Variants in EIF2A observed in about 807,000 individuals in gnomAD.
EIF2A encodes the protein eukaryotic translation initiation factor 2A, also known as 65 kDa eukaryotic translation initiation factor 2A.
Under a neutral mutation model 75.2 loss-of-function variants are expected in EIF2A, and 62 were observed. The ratio of observed to expected loss-of-function variants is 0.82; its 90% CI spans 0.67 to 1.02. The LOEUF (loss-of-function observed/expected upper bound fraction) is 1.02, where lower values mean the gene tolerates loss of function less well. Ranked by LOEUF, EIF2A falls within the 50% of genes least tolerant of loss-of-function variation. The pLI is 0.00. For missense variants in EIF2A, 611 were observed against 677.7 expected (o/e 0.90, Z 1.09); for synonymous variants, 207 against 239.0 (o/e 0.87, Z 1.23).
At position 150,562,537 on chromosome 3, in the gene EIF2A, A is replaced by G. The variant is rs1417571949; in HGVS notation, c.174-5A>G. ...CATTGCTGAAATAATTTCTTTTGAA[A>G]CCAGAGTAAATATTATCAGTGTCAC... On this transcript the variant is annotated splice_region_variant and splice_polypyrimidine_tract_variant and intron_variant, in intron 3 of 13. Transcript: ENST00000460851. 1.2e-6 allele frequency: 2 copies of G among 1,605,266 alleles called. No individual in the cohort carries two copies. The highest frequency in any genetic ancestry group is 1.7e-6 in the Non-Finnish European group (2 of 1,174,038).
chr3:150,578,798 G>A (rs1725018392), intron 11 of EIF2A, among the ~76,000 whole-genome samples: 1 of 152,180 alleles, frequency 6.6e-6, no homozygotes, highest in Non-Finnish European at 1.5e-5. Flanking sequence ...AATGGCCCTT[G>A]ACAGAATCTC....
intron 10 of EIF2A, 112 bp downstream of exon 10, chr3:150,572,641 G>T: frequency 3.8e-6 from 4 of 1,062,368 alleles, no homozygotes; most frequent in East Asian, 4.9e-5. Flanking sequence ...GATCACTTGA[G>T]GTCAGGAGTT....
intron 2 of EIF2A, 51 bp from the exon 3 acceptor site, chr3:150,558,337 G>A (rs1445433646): frequency 7.2e-7 from 1 of 1,397,254 alleles, no homozygotes; most frequent in Non-Finnish European, 9.4e-7. Context: ...AGATTTTTTT[G>A]AAAAGTATTA....
rs1724573767 is a variant in EIF2A at position 150,572,260 on chromosome 3, A to AT, written c.1118dup (p.Leu373PhefsTer12). On this transcript the variant is annotated frameshift_variant, in exon 10 of 14. Coordinates refer to ENST00000460851, the MANE Select transcript of EIF2A (RefSeq NM_032025.5). LOFTEE classifies it high-confidence loss of function. Reference sequence around the variant, plus strand: ...TGCTTGGTGCCCGGATGGTGAGCATATTTTAACAGCTACATGTGCTCCCAG... The same window carrying AT: ...TGCTTGGTGCCCGGATGGTGAGCATATTTTTAACAGCTACATGTGCTCCCAG... The AT allele has an allele frequency of 3.7e-6, 6 of 1,613,830 alleles. No homozygotes were observed. Among genetic ancestry groups the AT allele is most frequent in the East Asian group, 2.2e-5 (1 of 44,896 alleles).
chr3:150,564,492 A>G (rs1724063059), intron 6 of EIF2A, 111 bp downstream of exon 6: 3 of 727,844 alleles, frequency 4.1e-6, no homozygotes, highest in East Asian at 3.0e-5. Flanking sequence ...CTATTAATCA[A>G]TAATTACTCT....
chr3:150,565,177 C>G (rs1461071395), intron 6 of EIF2A: 1 of 456,458 alleles, frequency 2.2e-6, no homozygotes, highest in Non-Finnish European at 4.4e-6. Context: ...CATCTGTCCC[C>G]TATAAATTGC....
At chr3:150,581,832 G>A in intron 12 of EIF2A, 86 bp downstream of exon 12, 1 of 1,468,284 alleles carries the variant, frequency 6.8e-7, no homozygotes, top group Admixed American at 2.3e-5. Flanking sequence ...CCTAAAGACA[G>A]GTATCTAAGA....
intron 13 of EIF2A, 130 bp from the exon 14 acceptor site, chr3:150,583,716 A>G: frequency 4.9e-6 from 4 of 824,010 alleles, no homozygotes; most frequent in Non-Finnish European, 7.6e-6. Flanking sequence ...TTTGTTTCTA[A>G]CCTGTATTTT....
intron 11 of EIF2A, among the ~76,000 whole-genome samples, chr3:150,576,429 C>T (rs991524499): frequency 1.3e-5 from 2 of 150,364 alleles, no homozygotes; most frequent in Non-Finnish European, 3.0e-5. Context: ...GACCATGACT[C>T]GAAAAAAAAA....
At chr3:150,563,660 A>G in intron 5 of EIF2A, 46 bp downstream of exon 5, 2 of 1,284,674 alleles carry the variant, frequency 1.6e-6, no homozygotes, top group Non-Finnish European at 2.1e-6. Flanking sequence ...AGTATTTTTA[A>G]TGTCATCACT....
At chr3:150,566,706 G>A (rs1724202682) in intron 6 of EIF2A, 1 of 152,026 alleles carries the variant, frequency 6.6e-6, no homozygotes, top group Admixed American at 6.6e-5. Context: ...ATTCACATAA[G>A]TATTCATTTG....
chr3:150,553,998 C>A (rs1723444211), intron 2 of EIF2A, among the ~76,000 whole-genome samples: 3 of 152,168 alleles, frequency 2.0e-5, no homozygotes, highest in Admixed American at 2.0e-4. Context: ...AAAGGAACCA[C>A]TTCCTTGGAG....
At chr3:150,562,404 A>T (rs1387219511) in intron 3 of EIF2A, 138 bp from the exon 4 acceptor site, 1 of 552,792 alleles carries the variant, frequency 1.8e-6, no homozygotes, top group Admixed American at 3.1e-5. Flanking sequence ...CCTGGGAGAC[A>T]GCGAGACTCC....
intron 10 of EIF2A, among the ~76,000 whole-genome samples, chr3:150,574,802 A>G (rs1724762331): frequency 6.6e-6 from 1 of 152,234 alleles, no homozygotes; most frequent in African/African-American, 2.4e-5. Flanking sequence ...CCTAGTACTC[A>G]AGAAACTTCA....
chr3:150,575,668 AG>A lies in EIF2A; in HGVS notation c.1404del (p.Asn469IlefsTer2), dbSNP rs755771484. Reference sequence around the variant, plus strand: ...CCATAGCATGAAGAGGAACCACCTCAGAATATGAAACCACAATCAGGAAACG... The same window carrying A: ...CCATAGCATGAAGAGGAACCACCTCAAATATGAAACCACAATCAGGAAACG... ...NSKLHEEEPP[Q>X]NMKPQSGNDK... On this transcript the variant is annotated frameshift_variant, in exon 11 of 14. Coordinates refer to ENST00000460851, the MANE Select transcript of EIF2A (RefSeq NM_032025.5). LOFTEE classifies it high-confidence loss of function. The A allele has an allele frequency of 6.2e-7, 1 of 1,611,516 alleles. No individual in the cohort carries two copies. The highest frequency in any genetic ancestry group is 1.3e-5 in the African/African-American group (1 of 74,708).
rs554112968 is a variant in EIF2A, at chr3:150,583,454, T to C, written c.1692+189T>C. Among the ~76,000 whole-genome samples, 6 of 152,356 alleles carry C rather than the reference T, an allele frequency of 3.9e-5. No individual in the cohort carries two copies. In the South Asian group the frequency reaches 1.2e-3, roughly 32 times the overall value. Reference sequence around the variant, plus strand: ...CTCTTAAATAGAAGAGATATGGTATTGATCATGTGAATGAAAAAGTCAATA... The same window carrying C: ...CTCTTAAATAGAAGAGATATGGTATCGATCATGTGAATGAAAAAGTCAATA... On this transcript the variant is annotated intron_variant, in intron 13 of 13. Transcript: ENST00000460851.
At chr3:150,557,974 G>A (rs1467784724) in intron 2 of EIF2A, among the ~76,000 whole-genome samples, 4 of 152,082 alleles carry the variant, frequency 2.6e-5, no homozygotes, top group African/African-American at 9.7e-5. Context: ...ATTATCACTG[G>A]GTGATGTATT....
chr3:150,549,961 A>G (rs1218364285), intron 1 of EIF2A, among the ~76,000 whole-genome samples: 3 of 152,186 alleles, frequency 2.0e-5, no homozygotes, highest in African/African-American at 7.2e-5. Context: ...AAAGATGACT[A>G]CACCCCTGCC....
At position 150,583,755 on chromosome 3, in the gene EIF2A, AAATT is replaced by A. The variant is rs1417361485; in HGVS notation, c.1693-90_1693-87del. On this transcript the variant is annotated intron_variant, in intron 13 of 13. Coordinates refer to ENST00000460851, the MANE Select transcript of EIF2A (RefSeq NM_032025.5). Reference sequence around the variant, plus strand: ...ATCTGTGTTTACTAGTGAACATAATAAATTGTCAGAAATACCATTTTTTCTGTAT... The same window carrying A: ...ATCTGTGTTTACTAGTGAACATAATAGTCAGAAATACCATTTTTTCTGTAT... 1.2e-5 allele frequency: 14 copies of A among 1,204,720 alleles called. No individual in the cohort carries two copies. In the African/African-American group the frequency reaches 2.0e-4, roughly 17 times the overall value. The allele number at this position is 1,204,720 out of a possible 1,614,324, so 74.6% of individuals were successfully genotyped here. A position where few individuals can be genotyped will look rare whatever the true frequency, so the allele number is the denominator to read the frequency against.
Sources: gnomAD v4.1 joint callset for allele counts (sites outside exome capture counted in the v4.1 genomes callset) on GRCh38, gnomAD v4.1.1 for gene constraint, MANE v1.5 for transcripts, NCBI Gene and HGNC (gene_info 2026-07-23, HGNC 2026-07-21) for gene names.